SLC12A6: variants seen among roughly 807,000 people sequenced by gnomAD.
The protein encoded by SLC12A6 is solute carrier family 12 member 6, also known as K-Cl cotransporter 3.
SLC12A6 carries 66 observed loss-of-function variants against 135.3 expected under a neutral mutation model. The observed-to-expected ratio is 0.49, with a 90% confidence interval of 0.40 to 0.60. The LOEUF is 0.60. Among genes scored for constraint, SLC12A6 ranks in the 20% least tolerant of loss-of-function variants. SLC12A6 has a pLI of 0.00. For synonymous variants in SLC12A6, 513 were observed against 508.8 expected (o/e 1.01, Z -0.11); for missense variants, 1,058 against 1,452.3 (o/e 0.73, Z 4.41).
chr15:34,252,364 C>A lies in SLC12A6; in HGVS notation c.1139G>T (p.Arg380Leu), dbSNP rs375887656. The A allele has an allele frequency of 1.9e-6, 3 of 1,608,242 alleles. No individual in the cohort carries two copies. The highest frequency in any genetic ancestry group is 2.6e-6 in the Non-Finnish European group (3 of 1,175,538). ...GTCAATGTGTCTTGATGAAAGGGTG[C>A]GGTTACCCAGCATGCAGACCCTAAG... ...PHFPVCMLGN[R>L]TLSSRHIDVC... The change falls in exon 10 of 26, where the codon CGC becomes CTC. Residue 380 changes from arginine (R) to leucine (L), a missense_variant. This residue lies in a region of SLC12A6 where 297 missense variants were observed against 318.5 expected (regional missense o/e 0.93). Transcript: ENST00000354181.
At chr15:34,293,531 C>T (rs8035044) in intron 2 of SLC12A6, among the ~76,000 whole-genome samples, 5,982 of 152,272 alleles carry the variant, frequency 0.039, 221 homozygotes, top group African/African-American at 0.099. Flanking sequence ...CTCGAAATCC[C>T]GACCTCAGAT....
intron 15 of SLC12A6, 126 bp from the exon 16 acceptor site, chr15:34,244,198 T>C: frequency 5.7e-6 from 4 of 703,924 alleles, no homozygotes; most frequent in South Asian, 3.0e-5. Context: ...AAGTAGGAAG[T>C]AGGGAAACTT....
Position 34,265,032 on chromosome 15 carries a change from TA to T in SLC12A6, c.317-4013del, listed in dbSNP as rs747059564. Among the ~76,000 whole-genome samples the T allele has an allele frequency of 5.3e-5, 8 of 151,960 alleles. No homozygotes were observed. The East Asian group carries it at 7.8e-4, about 15-fold the overall frequency. Reference sequence around the variant, plus strand: ...TAACACGGTGAAACCCTGTCTCTACTAAAAAATACAAAAAATTAGCCGGGCG... The same window carrying T: ...TAACACGGTGAAACCCTGTCTCTACTAAAAATACAAAAAATTAGCCGGGCG... On this transcript the variant is annotated intron_variant, in intron 3 of 25. Coordinates refer to ENST00000354181, the MANE Select transcript of SLC12A6 (RefSeq NM_001365088.1).
intron 2 of SLC12A6, among the ~76,000 whole-genome samples, chr15:34,313,558 C>CTA (rs1888411883): frequency 6.6e-6 from 1 of 152,134 alleles, no homozygotes; most frequent in African/African-American, 2.4e-5. Flanking sequence ...TTTACAGAAG[C>CTA]TATAGCAAGT....
intron 3 of SLC12A6, among the ~76,000 whole-genome samples, chr15:34,269,670 G>A (rs74010045): frequency 0.098 from 14,897 of 151,570 alleles, 815 homozygotes; most frequent in South Asian, 0.15. Context: ...GAGAGTTTCT[G>A]ATGGTCTGGG....
At chr15:34,333,926 C>T (rs1018176544) in intron 2 of SLC12A6, among the ~76,000 whole-genome samples, 2 of 151,736 alleles carry the variant, frequency 1.3e-5, no homozygotes, top group African/African-American at 4.8e-5. Context: ...AAAAATTAGC[C>T]AGGTGTGGTG....
intron 3 of SLC12A6, among the ~76,000 whole-genome samples, chr15:34,264,005 A>G (rs1483037667): frequency 2.4e-5 from 3 of 124,296 alleles, no homozygotes; most frequent in Non-Finnish European, 5.1e-5. Flanking sequence ...TAATAAATAG[A>G]AAAAAAAAAA....
At chr15:34,335,474 T>G (rs1653712150) in intron 2 of SLC12A6, among the ~76,000 whole-genome samples, 1 of 152,248 alleles carries the variant, frequency 6.6e-6, no homozygotes, top group South Asian at 2.1e-4. Context: ...AATATTATTT[T>G]AAGAGTCTTT....
At chr15:34,333,277 TGGAGTGCAGC>T (rs1002922102) in intron 2 of SLC12A6, among the ~76,000 whole-genome samples, 30 of 150,662 alleles carry the variant, frequency 2.0e-4, no homozygotes, top group Non-Finnish European at 3.1e-4. Flanking sequence ...TCACCCAGGC[TGGAGTGCAGC>T]GGCGTGATCT....
intron 2 of SLC12A6, among the ~76,000 whole-genome samples, chr15:34,310,446 T>G (rs1308915846): frequency 1.3e-4 from 15 of 114,040 alleles, no homozygotes; most frequent in East Asian, 5.5e-4. Flanking sequence ...TGTCCCCGTG[T>G]CCAGGCTGGT....
chr15:34,236,802 A>T lies in SLC12A6; in HGVS notation c.2948T>A (p.Ile983Lys). ...AGTGCGCTCGTAAGTATATGCTGAT[A>T]TATCACTGTCATGCTGCCATAGACA... ...VEVVEMHDSD[I>K]SAYTYERTLM... The change falls in exon 23 of 26, where the codon ATA becomes AAA. Residue 983 changes from isoleucine (I) to lysine (K), a missense_variant. Physicochemically the swap from Ile to Lys is moderately radical, Grantham distance 102. Transcript: ENST00000354181. The T allele has an allele frequency of 6.2e-7, 1 of 1,603,356 alleles. No homozygotes were observed. The highest frequency in any genetic ancestry group is 8.5e-7 in the Non-Finnish European group (1 of 1,170,190).
intron 2 of SLC12A6, among the ~76,000 whole-genome samples, chr15:34,321,805 C>T (rs1474831672): frequency 6.6e-6 from 1 of 152,158 alleles, no homozygotes; most frequent in Non-Finnish European, 1.5e-5. Flanking sequence ...TAGATATGTT[C>T]AACAACATGC....
chr15:34,236,351 T>G, intron 23 of SLC12A6, 152 bp from the exon 24 acceptor site: 1 of 691,812 alleles, frequency 1.4e-6, no homozygotes, highest in Non-Finnish European at 2.5e-6. Flanking sequence ...ATCATCCCTT[T>G]TTTTTTTGGT....
At chr15:34,334,698 G>C (rs1319814606) in intron 2 of SLC12A6, among the ~76,000 whole-genome samples, 3 of 152,162 alleles carry the variant, frequency 2.0e-5, no homozygotes, top group Non-Finnish European at 4.4e-5. Context: ...TAAACATTAA[G>C]TAAGGAATGT....
chr15:34,336,568 C>G lies in SLC12A6; in HGVS notation c.113G>C (p.Arg38Pro), dbSNP rs762754392. Reference sequence around the variant, plus strand: ...GCTAAATCTTACTCGGGAACTAGATCGAGAGCTGAGGTCCGGACTGGTGTC... The same window carrying G: ...GCTAAATCTTACTCGGGAACTAGATGGAGAGCTGAGGTCCGGACTGGTGTC... Reference protein sequence around the residue: ...LSDTSPDLSSRSSSRVRFSSR... With the variant: ...LSDTSPDLSSPSSSRVRFSSR... Residue 38 changes from arginine (R) to proline (P), a missense_variant, in exon 2 of 26, where the codon CGA becomes CCA. Physicochemically the swap from Arg to Pro is moderately radical, Grantham distance 103. This residue lies in a region of SLC12A6 where 176 missense variants were observed against 168.9 expected (regional missense o/e 1.04). Coordinates refer to ENST00000354181, the MANE Select transcript of SLC12A6 (RefSeq NM_001365088.1). 1.9e-6 allele frequency: 3 copies of G among 1,613,834 alleles called. No homozygotes were observed. In the South Asian group the frequency reaches 3.3e-5, roughly 18 times the overall value.
In SLC12A6 at chr15:34,238,300, C is replaced by G; in HGVS notation, c.2734G>C (p.Asp912His). Reference sequence around the variant, plus strand: ...CCATCATGCACAATCCACCACACATCAATGTTGCCCTCAGAAAATTGCTCC... The same window carrying G: ...CCATCATGCACAATCCACCACACATGAATGTTGCCCTCAGAAAATTGCTCC... ...NVEQFSEGNIDVWWIVHDGGM... is the reference protein window; with the variant it reads ...NVEQFSEGNIHVWWIVHDGGM... Residue 912 changes from aspartate (D) to histidine (H), a missense_variant, in exon 21 of 26, where the codon GAT (aspartate) becomes CAT (histidine). Asp to His is a moderately conservative substitution (Grantham distance 81). Around this residue, in one of 6 missense-constraint regions of SLC12A6, gnomAD observed 245 missense variants for 440.8 expected, o/e 0.56. Transcript: ENST00000354181. The G allele has an allele frequency of 6.2e-7, 1 of 1,613,678 alleles. No individual in the cohort carries two copies.
chr15:34,252,299 G>C lies in SLC12A6; in HGVS notation c.1204C>G (p.Pro402Ala), dbSNP rs1308950426. ...KTKEINNMTV[P>A]SKLWGFFCNS... Reference sequence around the variant, plus strand: ...CAGAAGAATCCCCATAACTTTGATGGGACTGTCATGTTGTTAATTTCCTTG... The same window carrying C: ...CAGAAGAATCCCCATAACTTTGATGCGACTGTCATGTTGTTAATTTCCTTG... Residue 402 changes from proline (P) to alanine (A), a missense_variant, in exon 10 of 26, where the codon CCA becomes GCA. Around this residue, in one of 6 missense-constraint regions of SLC12A6, gnomAD observed 297 missense variants for 318.5 expected, o/e 0.93. Coordinates refer to ENST00000354181, the MANE Select transcript of SLC12A6 (RefSeq NM_001365088.1). 1 of 1,609,580 alleles carries C rather than the reference G, an allele frequency of 6.2e-7. No individual in the cohort carries two copies. Among genetic ancestry groups the C allele is most frequent in the Non-Finnish European group, 8.5e-7 (1 of 1,176,190 alleles).
intron 6 of SLC12A6, among the ~76,000 whole-genome samples, chr15:34,256,982 A>C (rs1366117925): frequency 6.6e-6 from 1 of 152,192 alleles, no homozygotes; most frequent in African/African-American, 2.4e-5. Flanking sequence ...TGAACATTTT[A>C]AGTTATTAAA....
At chr15:34,315,452 T>A (rs1888574063) in intron 2 of SLC12A6, among the ~76,000 whole-genome samples, 1 of 152,078 alleles carries the variant, frequency 6.6e-6, no homozygotes, top group Non-Finnish European at 1.5e-5. Context: ...CCAGGAATGG[T>A]AGTACATGCC....
Sources: allele counts gnomAD v4.1 joint callset (sites outside exome capture counted in the v4.1 genomes callset), GRCh38; gene constraint gnomAD v4.1.1; regional missense constraint gnomAD v4.1.1; transcripts MANE v1.5; gene names NCBI Gene and HGNC (gene_info 2026-07-23, HGNC 2026-07-21).